Variants in NR6A1 observed in about 807,000 individuals in gnomAD.
NR6A1 encodes retinoic acid receptor-related testis-associated receptor.
NR6A1 carries 7 observed loss-of-function variants against 59.1 expected under a neutral mutation model. The ratio of observed to expected loss-of-function variants is 0.12; its 90% CI spans 0.07 to 0.22. The LOEUF (loss-of-function observed/expected upper bound fraction) is 0.22, where lower values mean the gene tolerates loss of function less well. Ranked by LOEUF, NR6A1 falls within the 10% of genes least tolerant of loss-of-function variation. NR6A1 has a pLI of 1.00. For synonymous variants in NR6A1, 243 were observed against 236.1 expected, an observed-to-expected ratio of 1.03 and a Z score of -0.27; for missense variants, 468 against 611.6, an observed-to-expected ratio of 0.77 and a Z score of 2.48.
chr9:124,764,068 C>A (rs796808702), intron 1 of NR6A1, among the ~76,000 whole-genome samples: 2 of 151,858 alleles, frequency 1.3e-5, no homozygotes, highest in African/African-American at 4.8e-5. Flanking sequence ...CCTGTAATCC[C>A]AGCTACTCAG....
intron 1 of NR6A1, among the ~76,000 whole-genome samples, chr9:124,753,900 C>A (rs889071541): frequency 6.6e-6 from 1 of 152,162 alleles, no homozygotes; most frequent in African/African-American, 2.4e-5. Context: ...ATTCTACTTA[C>A]AAGCAAGACT....
intron 2 of NR6A1, among the ~76,000 whole-genome samples, chr9:124,627,882 C>CT (rs59874800): frequency 0.03 from 2,553 of 83,724 alleles, 128 homozygotes; most frequent in Middle Eastern, 0.043. Context: ...CTGAGATTTT[C>CT]TTTTTTTTTT....
intron 6 of NR6A1, among the ~76,000 whole-genome samples, chr9:124,537,265 T>C (rs1431462737): frequency 6.6e-6 from 1 of 152,116 alleles, no homozygotes; most frequent in Non-Finnish European, 1.5e-5. Context: ...AATTTTTGTA[T>C]TTTTAGTACA....
chr9:124,555,059 G>A (rs1564176931), intron 2 of NR6A1, among the ~76,000 whole-genome samples: 1 of 152,180 alleles, frequency 6.6e-6, no homozygotes, highest in Non-Finnish European at 1.5e-5. Flanking sequence ...GGGAACTGCT[G>A]TAAGGCACAA....
intron 8 of NR6A1, 149 bp from the exon 9 acceptor site, chr9:124,525,022 AC>A (rs1293018229): frequency 1.1e-6 from 1 of 900,388 alleles, no homozygotes; most frequent in African/African-American, 1.7e-5. Context: ...ATAGGGAGGA[AC>A]TAAGTTCTAC....
At chr9:124,548,906 C>A (rs1269892928) in intron 3 of NR6A1, among the ~76,000 whole-genome samples, 1 of 152,192 alleles carries the variant, frequency 6.6e-6, no homozygotes, top group Non-Finnish European at 1.5e-5. Context: ...ATATTTTCCC[C>A]ATCCCACTTC....
At position 124,668,699 on chromosome 9, in the gene NR6A1, CTGGA is replaced by C. The variant is rs200588054; in HGVS notation, c.142+64605_142+64608del. On this transcript the variant is annotated intron_variant, in intron 2 of 9. Transcript: ENST00000487099. ...CATTAAAAATGGTTTTTGTAGATAT[CTGGA>C]TGGTTTCCAATTATTCTCTAATATA... 4.6e-3 allele frequency among the ~76,000 whole-genome samples: 706 copies of C among 152,282 alleles called. 6 individuals are homozygous for C. The highest frequency in any genetic ancestry group is 0.016 in the African/African-American group (659 of 41,542).
chr9:124,750,919 A>T (rs960406785), intron 1 of NR6A1, among the ~76,000 whole-genome samples: 8 of 152,144 alleles, frequency 5.3e-5, no homozygotes, highest in Non-Finnish European at 1.2e-4. Context: ...ACAGTCTCCT[A>T]AATACTAGAC....
rs1432866932 is a variant in NR6A1 at position 124,771,063 on chromosome 9, C to G, written c.57G>C (p.Gly19=). 6 of 1,230,348 alleles carry G rather than the reference C, an allele frequency of 4.9e-6. No individual in the cohort carries two copies. In the African/African-American group the frequency reaches 7.8e-5, roughly 16 times the overall value. 76.2% of individuals were successfully genotyped at this position (1,230,348 alleles called of 1,614,324 possible). Residue 19 remains glycine, a synonymous_variant, in exon 1 of 10, where the codon GGG becomes GGC. Coordinates refer to ENST00000487099, the MANE Select transcript of NR6A1 (RefSeq NM_033334.4). ...GGAGCGCGGCGGGAGGCTCCAGGAACCCCGCCGAGCCCCCGCCGCCTCCCC... is the reference window on the plus strand; with the variant it reads ...GGAGCGCGGCGGGAGGCTCCAGGAAGCCCGCCGAGCCCCCGCCGCCTCCCC... ...SGGGGGGGSA[G]FLEPPAALPP... is the part of the protein sequence containing the mutation.
At chr9:124,705,783 T>C (rs79311673) in intron 2 of NR6A1, among the ~76,000 whole-genome samples, 2,840 of 48,900 alleles carry the variant, frequency 0.058, 126 homozygotes, top group East Asian at 0.32. Flanking sequence ...CAATCCCCCC[T>C]TTTTTTTTTT....
chr9:124,536,161 T>G (rs778212996), intron 6 of NR6A1, 29 bp from the exon 7 acceptor site: 1 of 1,601,838 alleles, frequency 6.2e-7, no homozygotes, highest in Non-Finnish European at 8.5e-7. Flanking sequence ...GGAAAGTCAC[T>G]TCCATTGGTC....
chr9:124,556,279 A>T (rs148010495), intron 2 of NR6A1, among the ~76,000 whole-genome samples: 244 of 152,280 alleles, frequency 1.6e-3, no homozygotes, highest in African/African-American at 5.7e-3. Context: ...GATAGTAGAG[A>T]AGAAGAAACA....
chr9:124,573,614 T>C (rs1372958077), intron 2 of NR6A1, among the ~76,000 whole-genome samples: 1 of 152,230 alleles, frequency 6.6e-6, no homozygotes, highest in Non-Finnish European at 1.5e-5. Context: ...CTGACACCTA[T>C]CTTCATTATC....
intron 3 of NR6A1, among the ~76,000 whole-genome samples, chr9:124,548,682 C>T (rs1211264086): frequency 1.3e-5 from 2 of 152,138 alleles, no homozygotes; most frequent in African/African-American, 2.4e-5. Context: ...AGTGATATGG[C>T]GATGCCACAG....
chr9:124,524,312 TTAAGA>T (rs1832870289), intron 9 of NR6A1, among the ~76,000 whole-genome samples: 1 of 152,166 alleles, frequency 6.6e-6, no homozygotes, highest in African/African-American at 2.4e-5. Flanking sequence ...TTCTGTGAAA[TTAAGA>T]TAATTTTAAA....
intron 1 of NR6A1, among the ~76,000 whole-genome samples, chr9:124,769,737 TG>T (rs1381797923): frequency 6.6e-6 from 1 of 151,968 alleles, no homozygotes; most frequent in Non-Finnish European, 1.5e-5. Context: ...ATGTGAAAGG[TG>T]GAAAACAGGG....
intron 2 of NR6A1, among the ~76,000 whole-genome samples, chr9:124,605,736 C>T (rs1835560054): frequency 6.6e-6 from 1 of 152,186 alleles, no homozygotes; most frequent in Non-Finnish European, 1.5e-5. Context: ...ATGAGTAGGA[C>T]AGGGTTAGCC....
intron 7 of NR6A1, among the ~76,000 whole-genome samples, chr9:124,533,834 A>T (rs1833170350): frequency 6.6e-6 from 1 of 151,924 alleles, no homozygotes; most frequent in Non-Finnish European, 1.5e-5. Context: ...TATTTTTAGT[A>T]GAGACGGGGT....
In NR6A1 at chr9:124,634,112, T is replaced by C. The variant is rs116688419; in HGVS notation, c.143-79542A>G. On this transcript the variant is annotated intron_variant, in intron 2 of 9. Transcript: ENST00000487099. ...GTCAGCCTGTCATGATAAATAATTA[T>C]ATAGTCACTGTAAACGCTACACAAT... 1.3e-3 allele frequency among the ~76,000 whole-genome samples: 202 copies of C among 152,302 alleles called. 1 individual carries two copies. Among genetic ancestry groups the C allele is most frequent in the African/African-American group, 4.6e-3 (191 of 41,562 alleles).
Sources: gnomAD v4.1 joint callset for allele counts (sites outside exome capture counted in the v4.1 genomes callset) on GRCh38, gnomAD v4.1.1 for gene constraint, MANE v1.5 for transcripts, NCBI Gene and HGNC (gene_info 2026-07-23, HGNC 2026-07-21) for gene names.